Variants in SAMSN1 observed in about 807,000 individuals in gnomAD.
The protein encoded by SAMSN1 is SAM domain, SH3 domain and nuclear localization signals 1.
In SAMSN1, 31 loss-of-function variants were observed where a neutral mutation model predicts 42.0. That is an observed-to-expected ratio of 0.74 (90% CI 0.55 to 1.00). The LOEUF (loss-of-function observed/expected upper bound fraction) is 1.00, where lower values mean the gene tolerates loss of function less well. SAMSN1 is among the 50% of genes least tolerant of loss of function. The probability of loss-of-function intolerance (pLI) is 0.00; values close to 1 mark genes in which losing one functional copy is unlikely to be tolerated. For missense variants in SAMSN1, 464 were observed against 439.4 expected, an observed-to-expected ratio of 1.06 and a Z score of -0.50; for synonymous variants, 178 against 151.9, an observed-to-expected ratio of 1.17 and a Z score of -1.26.
chr21:14,517,619 A>G (rs1266056775), intron 2 of SAMSN1, among the ~76,000 whole-genome samples: 2 of 152,156 alleles, frequency 1.3e-5, no homozygotes, highest in African/African-American at 2.4e-5. Flanking sequence ...AGTAAATATG[A>G]ACTAGTTCCA....
intron 2 of SAMSN1, among the ~76,000 whole-genome samples, chr21:14,560,402 G>T (rs28429627): frequency 0.16 from 24,217 of 152,148 alleles, 2,005 homozygotes; most frequent in East Asian, 0.3. Flanking sequence ...TCATTCCTGA[G>T]TGTAGGCCAA....
chr21:14,603,422 A>G (rs1386578776), intron 5 of SAMSN1, among the ~76,000 whole-genome samples: 1 of 152,250 alleles, frequency 6.6e-6, no homozygotes, highest in East Asian at 1.9e-4. Context: ...GAGAGAGACC[A>G]CTATGACTCA....
chr21:14,541,888 G>A (rs1462479666), intron 1 of SAMSN1, among the ~76,000 whole-genome samples: 2 of 151,998 alleles, frequency 1.3e-5, no homozygotes, highest in African/African-American at 4.8e-5. Context: ...AGCGACTCGG[G>A]AGGCTGAGGC....
intron 7 of SAMSN1, among the ~76,000 whole-genome samples, chr21:14,590,308 T>C (rs1196171729): frequency 6.6e-6 from 1 of 152,090 alleles, no homozygotes; most frequent in Non-Finnish European, 1.5e-5. Flanking sequence ...TCTTGCTCTG[T>C]CCACCAAGCT....
chr21:14,597,562 C>T (rs1184345750), intron 6 of SAMSN1, among the ~76,000 whole-genome samples: 1 of 152,140 alleles, frequency 6.6e-6, no homozygotes, highest in East Asian at 1.9e-4. Context: ...TGATTGCTTA[C>T]ATAGAGCAGA....
At chr21:14,578,459 C>T (rs964408493) in intron 2 of SAMSN1, among the ~76,000 whole-genome samples, 9 of 151,848 alleles carry the variant, frequency 5.9e-5, no homozygotes, top group Admixed American at 1.3e-4. Context: ...AGACACCAAG[C>T]AGATCACAAG....
intron 2 of SAMSN1, among the ~76,000 whole-genome samples, chr21:14,617,653 G>A (rs954380198): frequency 3.9e-5 from 6 of 152,108 alleles, no homozygotes; most frequent in Admixed American, 3.9e-4. Context: ...GAATGTTGCC[G>A]TCTTCAAAAT....
chr21:14,595,613 A>G (rs959799140), intron 6 of SAMSN1, among the ~76,000 whole-genome samples: 5 of 152,168 alleles, frequency 3.3e-5, no homozygotes, highest in Admixed American at 2.6e-4. Context: ...ATTTATGACA[A>G]TCGCAAGAAG....
At chr21:14,537,532 T>C (rs1215939603) in intron 1 of SAMSN1, among the ~76,000 whole-genome samples, 1 of 152,238 alleles carries the variant, frequency 6.6e-6, no homozygotes, top group African/African-American at 2.4e-5. Flanking sequence ...TAGACATTTG[T>C]TGCGTTGAAG....
chr21:14,545,363 T>A (rs1417955225), intron 1 of SAMSN1, among the ~76,000 whole-genome samples: 1 of 152,120 alleles, frequency 6.6e-6, no homozygotes, highest in Non-Finnish European at 1.5e-5. Context: ...AAAAAAAATC[T>A]GGACTCAGCT....
intron 5 of SAMSN1, among the ~76,000 whole-genome samples, chr21:14,506,227 A>G (rs893865475): frequency 1.3e-5 from 2 of 152,230 alleles, no homozygotes; most frequent in African/African-American, 2.4e-5. Flanking sequence ...CCAAGGTCAG[A>G]GCAGAATTAA....
At position 14,517,886 on chromosome 21, in the gene SAMSN1, GC is replaced by G. The variant is rs1433522459; in HGVS notation, c.130-846del. Among the ~76,000 whole-genome samples the G allele has an allele frequency of 2.6e-5, 4 of 151,854 alleles. No individual in the cohort carries two copies. The East Asian group carries it at 7.7e-4, about 29-fold the overall frequency. On this transcript the variant is annotated intron_variant, in intron 2 of 7. Transcript: ENST00000400566. The stretch of plus-strand genomic sequence containing the variant: ...ATCCTCACTACCCACCTTGCCCCTC[GC>G]TACTTCTCAAGTCTCCCTCGCTCAC...
chr21:14,622,459 G>A (rs1447460766), intron 2 of SAMSN1, among the ~76,000 whole-genome samples: 1 of 152,190 alleles, frequency 6.6e-6, no homozygotes, highest in African/African-American at 2.4e-5. Context: ...CATGGTACAA[G>A]AACTACGTGA....
In SAMSN1 at chr21:14,643,075, T is replaced by C. The variant is rs934148083; in HGVS notation, c.83A>G (p.Asn28Ser). The change falls in exon 2 of 16, where the codon AAC becomes AGC. Residue 28 changes from asparagine (N) to serine (S), a missense_variant. Coordinates refer to the SAMSN1 transcript ENST00000647101. ...AGGAGAATCAGTTCTACTAGACATGTTTTCTTGGTTAGCTTGTTGCTCTGG... is the reference window on the plus strand; with the variant it reads ...AGGAGAATCAGTTCTACTAGACATGCTTTCTTGGTTAGCTTGTTGCTCTGG... The C allele has an allele frequency of 8.4e-6, 6 of 717,270 alleles. No individual in the cohort carries two copies. The Middle Eastern group carries it at 9.1e-4, about 109-fold the overall frequency. 44.4% of individuals were successfully genotyped at this position (717,270 alleles called of 1,614,324 possible). A position where few individuals can be genotyped will look rare whatever the true frequency, so the allele number is the denominator to read the frequency against.
chr21:14,627,529 A>T (rs1434363790), intron 2 of SAMSN1, among the ~76,000 whole-genome samples: 2 of 152,158 alleles, frequency 1.3e-5, no homozygotes, highest in Non-Finnish European at 2.9e-5. Context: ...CTGACTCCAA[A>T]CTGATCTAGA....
upstream of SAMSN1, among the ~76,000 whole-genome samples, chr21:14,546,798 C>T (rs1600922543): frequency 6.6e-6 from 1 of 152,034 alleles, no homozygotes; most frequent in African/African-American, 2.4e-5. Context: ...CAACCTCCAC[C>T]TCCCGGGTTC....
At chr21:14,595,700 TTACTCATA>T (rs777088055) in intron 6 of SAMSN1, among the ~76,000 whole-genome samples, 1 of 152,178 alleles carries the variant, frequency 6.6e-6, no homozygotes, top group Non-Finnish European at 1.5e-5. Flanking sequence ...TCCAGTGTTT[TTACTCATA>T]TAAATGTAAG....
chr21:14,543,300 C>T (rs991801468), intron 1 of SAMSN1, among the ~76,000 whole-genome samples: 4 of 151,878 alleles, frequency 2.6e-5, no homozygotes, highest in Non-Finnish European at 4.4e-5. Context: ...AAGGAGAGAA[C>T]CTATACTAAA....
At chr21:14,538,665 G>A (rs1014513461) in intron 1 of SAMSN1, among the ~76,000 whole-genome samples, 13 of 152,112 alleles carry the variant, frequency 8.5e-5, no homozygotes, top group African/African-American at 2.9e-4. Context: ...TGTCATCCTT[G>A]TCTAGGAGCA....
Sources: gnomAD v4.1 joint callset for allele counts (sites outside exome capture counted in the v4.1 genomes callset) on GRCh38, gnomAD v4.1.1 for gene constraint, MANE v1.5 for transcripts, NCBI Gene and HGNC (gene_info 2026-07-23, HGNC 2026-07-21) for gene names.